The following EXTL3 variants were observed in gnomAD, a reference collection of about 807,000 sequenced individuals.
EXTL3 encodes the protein exostosin-like 3.
EXTL3 carries 27 observed loss-of-function variants against 69.3 expected under a neutral mutation model. The ratio of observed to expected loss-of-function variants is 0.39; its 90% CI spans 0.29 to 0.54. The LOEUF is 0.54. Among genes scored for constraint, EXTL3 ranks in the 20% least tolerant of loss-of-function variants. EXTL3 has a pLI of 0.69. For synonymous variants in EXTL3, 511 were observed against 499.4 expected (o/e 1.02, Z -0.31); for missense variants, 1,003 against 1,231.8 (o/e 0.81, Z 2.78).
chr8:28,756,156 C>G (rs1413462114), downstream of EXTL3, among the ~76,000 whole-genome samples: 1 of 152,226 alleles, frequency 6.6e-6, no homozygotes, highest in Non-Finnish European at 1.5e-5. Flanking sequence ...TGAGTTCTGA[C>G]AAATGCACAC....
chr8:28,717,168 A>G lies in EXTL3; in HGVS notation c.1109A>G (p.Asp370Gly), dbSNP rs768771123. 6.2e-7 allele frequency: 1 copy of G among 1,614,042 alleles called. No individual in the cohort carries two copies. Among genetic ancestry groups the G allele is most frequent in the Non-Finnish European group, 8.5e-7 (1 of 1,179,994 alleles). Residue 370 changes from aspartate (D) to glycine (G), a missense_variant, in exon 3 of 7, where the codon GAC becomes GGC. Around this residue, in one of 2 missense-constraint regions of EXTL3, gnomAD observed 742 missense variants for 815.4 expected, o/e 0.91. Coordinates refer to ENST00000220562, the MANE Select transcript of EXTL3 (RefSeq NM_001440.4). The surrounding 1 kb of genome is among the most constrained non-coding windows in gnomAD (Gnocchi z 8.3). Reference sequence around the variant, plus strand: ...TCCTTCGAAGAGGAAATGGAGGGCGACCCTCCCGCCGACTACGATGACCGG... The same window carrying G: ...TCCTTCGAAGAGGAAATGGAGGGCGGCCCTCCCGCCGACTACGATGACCGG... ...ARSFEEEMEG[D>G]PPADYDDRII...
chr8:28,700,129 T>C (rs537138424), upstream of EXTL3: 1 of 152,362 alleles, frequency 6.6e-6, no homozygotes, highest in Admixed American at 6.5e-5. Context: ...TTTTAAACTT[T>C]GCCTCCTCCT....
At chr8:28,678,141 C>T (rs1165250943) in intron 1 of EXTL3, 2 of 152,472 alleles carry the variant, frequency 1.3e-5, no homozygotes, top group Non-Finnish European at 2.9e-5. Context: ...GAAGAAGGCA[C>T]GTGGCCTGTG....
chr8:28,745,254 T>A (rs1054138664), intron 6 of EXTL3, among the ~76,000 whole-genome samples: 1 of 152,228 alleles, frequency 6.6e-6, no homozygotes, highest in Admixed American at 6.5e-5. Flanking sequence ...GCTGGTTCCA[T>A]GCAGCAAAGC....
chr8:28,661,550 A>T (rs1349353921), intron 1 of EXTL3, among the ~76,000 whole-genome samples: 1 of 152,060 alleles, frequency 6.6e-6, no homozygotes, highest in Non-Finnish European at 1.5e-5. Flanking sequence ...TATATAGTAT[A>T]CATATGTATT....
intron 1 of EXTL3, among the ~76,000 whole-genome samples, chr8:28,687,857 A>G (rs1189946709): frequency 6.6e-6 from 1 of 152,220 alleles, no homozygotes; most frequent in Non-Finnish European, 1.5e-5. Context: ...TCTAAAGAAG[A>G]GTTCCAAAGG....
intron 3 of EXTL3, among the ~76,000 whole-genome samples, chr8:28,726,096 C>T (rs1360874518): frequency 6.6e-6 from 1 of 151,964 alleles, no homozygotes; most frequent in African/African-American, 2.4e-5. Context: ...GCTGGGATTA[C>T]AGGCGCACAC....
Position 28,753,002 on chromosome 8 carries a change from G to T in EXTL3, c.*2136G>T, listed in dbSNP as rs1350246858. 6.6e-6 allele frequency: 1 copy of T among 152,612 alleles called. No individual in the cohort carries two copies. Among genetic ancestry groups the T allele is most frequent in the African/African-American group, 2.4e-5 (1 of 41,442 alleles). The allele number at this position is 152,612 out of a possible 1,614,324, so 9.5% of individuals were successfully genotyped here. Reference sequence around the variant, plus strand: ...CCTCTCCCTTTAGTGGAGCCAGGTTGTCGGGCCCCGAATGTCACTGGTGGA... The same window carrying T: ...CCTCTCCCTTTAGTGGAGCCAGGTTTTCGGGCCCCGAATGTCACTGGTGGA... On this transcript the variant is annotated 3_prime_UTR_variant, in exon 7 of 7. Coordinates refer to ENST00000220562, the MANE Select transcript of EXTL3 (RefSeq NM_001440.4).
rs544601622 is a variant in EXTL3, at chr8:28,755,384, G to C, written c.*4518G>C. The C allele has an allele frequency of 3.9e-5, 6 of 152,542 alleles. No individual in the cohort carries two copies. The South Asian group carries it at 6.2e-4, about 16-fold the overall frequency. The allele number at this position is 152,542 out of a possible 1,614,324, so 9.4% of individuals were successfully genotyped here. On this transcript the variant is annotated 3_prime_UTR_variant, in exon 7 of 7. Transcript: ENST00000220562. ...TCTCATGAATGAATGCTTTGACAAA[G>C]TGAAGAGGGTCACTTAGAAATCACA...
chr8:28,650,647 G>A (rs1409104621), intron 1 of EXTL3, among the ~76,000 whole-genome samples: 4 of 152,036 alleles, frequency 2.6e-5, no homozygotes, highest in Admixed American at 2.6e-4. Flanking sequence ...ATGAGCCACT[G>A]TGCCCGGCCT....
chr8:28,710,479 A>G (rs1351652752), intron 1 of EXTL3: 2 of 456,324 alleles, frequency 4.4e-6, no homozygotes, highest in South Asian at 3.1e-5. Flanking sequence ...AGAACGCAAG[A>G]CACTTTGATA....
intron 4 of EXTL3, among the ~76,000 whole-genome samples, chr8:28,736,050 T>C (rs778057348): frequency 3.9e-5 from 6 of 152,148 alleles, no homozygotes; most frequent in Non-Finnish European, 7.4e-5. Context: ...TTTGGGAAGA[T>C]GAAAGAGTTC....
At chr8:28,714,929 T>C (rs953422702) in intron 2 of EXTL3, among the ~76,000 whole-genome samples, 1 of 152,252 alleles carries the variant, frequency 6.6e-6, no homozygotes, top group Non-Finnish European at 1.5e-5. Context: ...CTCTCATTTC[T>C]AAGTATAGTG....
chr8:28,719,023 G>A (rs1416082601), intron 3 of EXTL3, among the ~76,000 whole-genome samples: 4 of 152,180 alleles, frequency 2.6e-5, no homozygotes, highest in African/African-American at 9.7e-5. Context: ...CAGCCTTAGA[G>A]CAGGTCTTAA....
intron 1 of EXTL3, among the ~76,000 whole-genome samples, chr8:28,676,157 A>G (rs1428742681): frequency 1.3e-5 from 2 of 152,140 alleles, no homozygotes; most frequent in Non-Finnish European, 2.9e-5. Flanking sequence ...ATGTGGAGGA[A>G]GGGATTCAAA....
chr8:28,632,716 C>G (rs1806587700), intron 1 of EXTL3, among the ~76,000 whole-genome samples: 1 of 151,686 alleles, frequency 6.6e-6, no homozygotes, highest in Admixed American at 6.6e-5. Flanking sequence ...CCACACCCAG[C>G]TAATTTTTGT....
At chr8:28,660,369 A>C (rs78415291) in intron 1 of EXTL3, among the ~76,000 whole-genome samples, 1 of 144,786 alleles carries the variant, frequency 6.9e-6, no homozygotes. Flanking sequence ...CTTGTCTCCA[A>C]AAAAAAAAAA....
At chr8:28,725,986 C>T (rs1001338289) in intron 3 of EXTL3, among the ~76,000 whole-genome samples, 10 of 147,774 alleles carry the variant, frequency 6.8e-5, no homozygotes, top group Admixed American at 4.1e-4. Context: ...GATGGAGTCT[C>T]GCTCTCTCAC....
chr8:28,713,639 C>A, intron 2 of EXTL3, 89 bp downstream of exon 2: 1 of 679,696 alleles, frequency 1.5e-6, no homozygotes, highest in South Asian at 1.6e-5. Flanking sequence ...ACAATTTGGT[C>A]ATAAGTGCAA....
Sources: allele counts gnomAD v4.1 joint callset (sites outside exome capture counted in the v4.1 genomes callset), GRCh38; gene constraint gnomAD v4.1.1; regional missense constraint gnomAD v4.1.1; non-coding constraint Gnocchi (gnomAD v3.1); transcripts MANE v1.5; gene names NCBI Gene and HGNC (gene_info 2026-07-23, HGNC 2026-07-21).